Variants in CLCNKA observed in about 807,000 individuals in gnomAD.
CLCNKA encodes the protein chloride voltage-gated channel Ka.
In CLCNKA, 66 loss-of-function variants were observed where a neutral mutation model predicts 83.3. The observed-to-expected ratio is 0.79, with a 90% CI of 0.65 to 0.97. CLCNKA has a LOEUF of 0.97. Ranked by LOEUF, CLCNKA falls within the 50% of genes least tolerant of loss-of-function variation. CLCNKA has a pLI of 0.00. For synonymous variants in CLCNKA, 357 were observed against 370.4 expected, an observed-to-expected ratio of 0.96 and a Z score of 0.42; for missense variants, 806 against 888.7, an observed-to-expected ratio of 0.91 and a Z score of 1.18.
At chr1:16,027,608 CCCCTG>C (rs2124037680) in intron 8 of CLCNKA, among the ~76,000 whole-genome samples, 173 bp downstream of exon 8, 1 of 151,790 alleles carries the variant, frequency 6.6e-6, no homozygotes, top group African/African-American at 2.4e-5. Flanking sequence ...CTGTGTTGAG[CCCCTG>C]ACCTGTGTTG....
In CLCNKA at chr1:16,027,809, C is replaced by G; in HGVS notation, c.782-12C>G. 2 of 1,606,410 alleles carry G rather than the reference C, an allele frequency of 1.2e-6. No individual in the cohort carries two copies. The highest frequency in any genetic ancestry group is 2.2e-4 in the Middle Eastern group (1 of 4,486). On this transcript the variant is annotated splice_polypyrimidine_tract_variant and intron_variant, in intron 8 of 19. Coordinates refer to ENST00000331433, the MANE Select transcript of CLCNKA (RefSeq NM_004070.4). Reference sequence around the variant, plus strand: ...AGCGCCATCTTGGCTCCCCACTGCCCTCCTTCCCCAGAGACCATCACCTCC... The same window carrying G: ...AGCGCCATCTTGGCTCCCCACTGCCGTCCTTCCCCAGAGACCATCACCTCC...
chr1:16,028,178 T>G, intron 10 of CLCNKA, 59 bp downstream of exon 10: 6 of 1,512,856 alleles, frequency 4.0e-6, no homozygotes, highest in Non-Finnish European at 5.5e-6. Flanking sequence ...ACTCCAGACC[T>G]TATGTAGAAA....
chr1:16,022,582 C>T lies in CLCNKA; in HGVS notation c.-7-31C>T, dbSNP rs1374356729. The stretch of plus-strand genomic sequence containing the variant: ...CAGCGCGAGGACGTGCAGCAGCTCA[C>T]CCGGGTCCTTCCCTCCATCTGCTTC... On this transcript the variant is annotated intron_variant, in intron 1 of 19. Coordinates refer to ENST00000331433, the MANE Select transcript of CLCNKA (RefSeq NM_004070.4). 4 of 1,507,384 alleles carry T rather than the reference C, an allele frequency of 2.7e-6. No homozygotes were observed. In the East Asian group the frequency reaches 9.8e-5, roughly 37 times the overall value. The allele number at this position is 1,507,384 out of a possible 1,614,324, so 93.4% of individuals were successfully genotyped here.
chr1:16,022,648 G>T lies in CLCNKA; in HGVS notation c.29G>T (p.Gly10Val), dbSNP rs867234412. Reference sequence around the variant, plus strand: ...GAGGAGTTGGTGGGGCTGCGTGAGGGCTTCTCAGGGGACCCTGTGACTCTG... The same window carrying T: ...GAGGAGTTGGTGGGGCTGCGTGAGGTCTTCTCAGGGGACCCTGTGACTCTG... MEELVGLRE[G>V]FSGDPVTLQE... The change falls in exon 2 of 20, where the codon GGC becomes GTC. Residue 10 changes from glycine to valine, a missense_variant. Gly to Val is a moderately radical substitution (Grantham distance 109, BLOSUM62 -3). Coordinates refer to ENST00000331433, the MANE Select transcript of CLCNKA (RefSeq NM_004070.4). 1 of 1,568,188 alleles carries T rather than the reference G, an allele frequency of 6.4e-7. No individual in the cohort carries two copies. The highest frequency in any genetic ancestry group is 1.2e-5 in the South Asian group (1 of 84,484).
In CLCNKA at chr1:16,029,020, G is replaced by A. The variant is rs2022501336; in HGVS notation, c.1054-106G>A. 7 of 1,544,938 alleles carry A rather than the reference G, an allele frequency of 4.5e-6. No homozygotes were observed. The South Asian group carries it at 5.7e-5, about 13-fold the overall frequency. ...AGCCCTGCCCAAGGCCCCCCGCTGG[G>A]AAGTGGCAGGGGAGGATTCCAGGCG... On this transcript the variant is annotated intron_variant, in intron 11 of 19. Coordinates refer to ENST00000331433, the MANE Select transcript of CLCNKA (RefSeq NM_004070.4).
rs1231733136 is a variant in CLCNKA, at chr1:16,022,717, A to G, written c.98A>G (p.Gln33Arg). The G allele has an allele frequency of 5.2e-6, 8 of 1,531,696 alleles. No homozygotes were observed. Among genetic ancestry groups the G allele is most frequent in the East Asian group, 2.4e-5 (1 of 41,398 alleles). 94.9% of individuals were successfully genotyped at this position (1,531,696 alleles called of 1,614,324 possible). Reference protein sequence around the residue: ...GPCPHIRRAIQGGLEWLKQKV... With the variant: ...GPCPHIRRAIRGGLEWLKQKV... ...TGTCCCCACATCCGCCGAGCCATCC[A>G]AGGTGAGAGCCAGGTCCTCTTCCCT... Residue 33 changes from glutamine to arginine, a missense_variant and splice_region_variant, in exon 2 of 20, where the codon CAA becomes CGA. Physicochemically the swap from Gln to Arg is conservative, Grantham distance 43 (BLOSUM62 1). Coordinates refer to ENST00000331433, the MANE Select transcript of CLCNKA (RefSeq NM_004070.4).
chr1:16,027,636 C>T (rs1201410550), intron 8 of CLCNKA, among the ~76,000 whole-genome samples, 185 bp from the exon 9 acceptor site: 3 of 152,198 alleles, frequency 2.0e-5, no homozygotes, highest in African/African-American at 7.2e-5. Context: ...GGGCAAGGGG[C>T]CCTGAGGGTA....
chr1:16,024,045 T>G, intron 3 of CLCNKA, 117 bp downstream of exon 3: 1 of 1,273,482 alleles, frequency 7.9e-7, no homozygotes, highest in South Asian at 1.2e-5. Context: ...CGGGGAGGGC[T>G]CTGGCTCTAC....
intron 11 of CLCNKA, 40 bp downstream of exon 11, chr1:16,028,885 C>G: frequency 6.2e-7 from 1 of 1,604,784 alleles, no homozygotes. Context: ...GTGGGAACCC[C>G]CATTTGTTTT....
rs769617228 is a variant in CLCNKA, at chr1:16,026,565, C to G, written c.528C>G (p.Ile176Met). 36 of 1,614,020 alleles carry G rather than the reference C, an allele frequency of 2.2e-5. No individual in the cohort carries two copies. The South Asian group carries it at 2.6e-4, about 12-fold the overall frequency. Residue 176 changes from isoleucine to methionine, a missense_variant, in exon 6 of 20, where the codon ATC becomes ATG. By Grantham distance (10) the Ile-to-Met change is conservative. Coordinates refer to ENST00000331433, the MANE Select transcript of CLCNKA (RefSeq NM_004070.4). ...CTTTCGTGCACCTGTCTGTAATGAT[C>G]GCTGCCTACCTGGGCCGTGTGCGCA... Reference protein sequence around the residue: ...VGPFVHLSVMIAAYLGRVRTT... With the variant: ...VGPFVHLSVMMAAYLGRVRTT...
chr1:16,023,294 A>G (rs1030265018), intron 2 of CLCNKA, among the ~76,000 whole-genome samples: 5 of 152,222 alleles, frequency 3.3e-5, no homozygotes, highest in Non-Finnish European at 7.3e-5. Context: ...AGGCCCTGGG[A>G]CACGCAGAAG....
At chr1:16,031,609 C>T (rs1275230203) in intron 15 of CLCNKA, 101 bp from the exon 16 acceptor site, 105 of 1,546,676 alleles carry the variant, frequency 6.8e-5, no homozygotes, top group Non-Finnish European at 8.6e-5. Context: ...ACTCCAGAGC[C>T]GTGGGTCCCT....
chr1:16,032,319 G>T (rs1374942650), intron 17 of CLCNKA, 28 bp downstream of exon 17: 3 of 1,537,890 alleles, frequency 2.0e-6, no homozygotes, highest in Non-Finnish European at 2.7e-6. Context: ...GCGTGGGGAT[G>T]GGGCGGGGGT....
In CLCNKA at chr1:16,030,462, G is replaced by A; in HGVS notation, c.1410G>A (p.Gly470=). 1 of 1,612,590 alleles carries A rather than the reference G, an allele frequency of 6.2e-7. No individual in the cohort carries two copies. Among genetic ancestry groups the A allele is most frequent in the Non-Finnish European group, 8.5e-7 (1 of 1,179,912 alleles). ...PIMPGGYALA[G]AAAFSGAVTH... is the part of the protein sequence containing the mutation. The stretch of plus-strand genomic sequence containing the variant: ...ACCTGTGTGGCTCTGCCCCGGCAGG[G>A]GCTGCAGCCTTCTCAGGGGCTGTGA... The change falls in exon 15 of 20, where the codon GGG becomes GGA. Residue 470 remains glycine, a splice_region_variant and synonymous_variant. Coordinates refer to ENST00000331433, the MANE Select transcript of CLCNKA (RefSeq NM_004070.4).
At chr1:16,027,262 AC>A (rs2022399542) in intron 7 of CLCNKA, 47 bp from the exon 8 acceptor site, 1 of 1,609,822 alleles carries the variant, frequency 6.2e-7, no homozygotes, top group African/African-American at 1.3e-5. Context: ...CCCTACAGCC[AC>A]AGGTGGGTGG....
chr1:16,026,296 G>T, intron 5 of CLCNKA, 49 bp downstream of exon 5: 1 of 1,547,860 alleles, frequency 6.5e-7, no homozygotes. Context: ...ACCCTACCCT[G>T]CCCCAGCTCT....
In CLCNKA at chr1:16,026,778, G is replaced by C. The variant is rs1357663870; in HGVS notation, c.655+3G>C. On this transcript the variant is annotated splice_donor_region_variant and intron_variant, in intron 7 of 19. Coordinates refer to ENST00000331433, the MANE Select transcript of CLCNKA (RefSeq NM_004070.4). The stretch of plus-strand genomic sequence containing the variant: ...AGTCTTTGCAGCTCCCTTCAGCGGT[G>C]AGACCCCCCTCATGCCCCGCCCCCT... 8 of 1,604,464 alleles carry C rather than the reference G, an allele frequency of 5.0e-6. No individual in the cohort carries two copies. The highest frequency in any genetic ancestry group is 6.8e-6 in the Non-Finnish European group (8 of 1,171,378).
At position 16,022,711 on chromosome 1, in the gene CLCNKA, C is replaced by A. The variant is rs866781116; in HGVS notation, c.92C>A (p.Ala31Asp). 1 of 1,535,952 alleles carries A rather than the reference C, an allele frequency of 6.5e-7. No individual in the cohort carries two copies. Among genetic ancestry groups the A allele is most frequent in the Non-Finnish European group, 8.8e-7 (1 of 1,139,082 alleles). Residue 31 changes from alanine (A) to aspartate (D), a missense_variant, in exon 2 of 20, where the codon GCC becomes GAC. By Grantham distance (126) the Ala-to-Asp change is moderately radical. Transcript: ENST00000331433. ...LWGPCPHIRR[A>D]IQGGLEWLKQ... is the part of the protein sequence containing the mutation. ...GGCCCCTGTCCCCACATCCGCCGAG[C>A]CATCCAAGGTGAGAGCCAGGTCCTC...
intron 19 of CLCNKA, 58 bp downstream of exon 19, chr1:16,033,314 A>AGATGGG: frequency 1.3e-6 from 2 of 1,560,788 alleles, no homozygotes; most frequent in Non-Finnish European, 1.8e-6. Flanking sequence ...AAGGCTGGGG[A>AGATGGG]GATGGGGAGG....
Sources: gnomAD v4.1 joint callset for allele counts (sites outside exome capture counted in the v4.1 genomes callset) on GRCh38, gnomAD v4.1.1 for gene constraint, MANE v1.5 for transcripts, NCBI Gene and HGNC (gene_info 2026-07-23, HGNC 2026-07-21) for gene names.